The following APP variants were observed in gnomAD, a reference collection of about 807,000 sequenced individuals.
The protein encoded by APP is amyloid beta precursor protein.
A neutral mutation model predicts 101.4 loss-of-function variants in APP; 31 were observed. The observed-to-expected ratio is 0.31, with a 90% CI of 0.23 to 0.41. APP has a LOEUF of 0.41. Ranked by LOEUF, APP falls within the 10% of genes least tolerant of loss-of-function variation. The pLI is 1.00. For missense variants in APP, 839 were observed against 1,003.7 expected (o/e 0.84, Z 2.22); for synonymous variants, 366 against 364.4 (o/e 1.00, Z -0.05).
At chr21:26,151,799 T>G (rs1219113380) in intron 1 of APP, among the ~76,000 whole-genome samples, 1 of 152,212 alleles carries the variant, frequency 6.6e-6, no homozygotes, top group Non-Finnish European at 1.5e-5. Flanking sequence ...CACCTACTGC[T>G]GTGCAGCAAA....
At chr21:25,905,630 A>G (rs1231159783) in intron 14 of APP, among the ~76,000 whole-genome samples, 1 of 152,234 alleles carries the variant, frequency 6.6e-6, no homozygotes, top group Non-Finnish European at 1.5e-5. Flanking sequence ...AGGGCAGAAG[A>G]GGGAAACCGC....
intron 13 of APP, chr21:25,946,119 A>G (rs2040809865): frequency 3.5e-6 from 1 of 287,024 alleles, no homozygotes; most frequent in Admixed American, 5.0e-5. Flanking sequence ...AAACTACAAA[A>G]CTCTTAGAAG....
intron 5 of APP, among the ~76,000 whole-genome samples, chr21:26,044,054 TGAAA>T (rs1315731980): frequency 2.0e-5 from 3 of 152,212 alleles, no homozygotes; most frequent in Non-Finnish European, 4.4e-5. Context: ...AATATGAGCA[TGAAA>T]GAATGATATA....
At chr21:26,169,711 A>C (rs1039608903) in intron 1 of APP, among the ~76,000 whole-genome samples, 1 of 152,096 alleles carries the variant, frequency 6.6e-6, no homozygotes, top group Non-Finnish European at 1.5e-5. Flanking sequence ...GCGCACTGAG[A>C]CTAACGCGGC....
At chr21:26,074,276 T>C (rs1252835711) in intron 3 of APP, among the ~76,000 whole-genome samples, 2 of 152,138 alleles carry the variant, frequency 1.3e-5, no homozygotes, top group African/African-American at 4.8e-5. Context: ...CATCTATTAA[T>C]ACACCAAACA....
At chr21:25,900,636 T>G (rs2038395738) in intron 15 of APP, among the ~76,000 whole-genome samples, 1 of 152,044 alleles carries the variant, frequency 6.6e-6, no homozygotes, top group Non-Finnish European at 1.5e-5. Flanking sequence ...TAAGAAAACT[T>G]TCTTGAACAG....
chr21:25,909,732 CTGAATGAAGAGG>C (rs1364094971), intron 14 of APP, among the ~76,000 whole-genome samples: 1 of 152,148 alleles, frequency 6.6e-6, no homozygotes, highest in Non-Finnish European at 1.5e-5. Flanking sequence ...TCATTAGAGA[CTGAATGAAGAGG>C]ACCTTCAATG....
chr21:26,169,489 G>A, intron 1 of APP: 1 of 153,062 alleles, frequency 6.5e-6, no homozygotes, highest in Non-Finnish European at 1.5e-5. Context: ...CCCACCATCC[G>A]CCACTGCCCT....
intron 7 of APP, among the ~76,000 whole-genome samples, chr21:25,998,542 G>C (rs866383318): frequency 6.6e-6 from 1 of 152,052 alleles, no homozygotes; most frequent in Non-Finnish European, 1.5e-5. Context: ...CTTTACAGTG[G>C]GGGTATTAAT....
intron 1 of APP, among the ~76,000 whole-genome samples, chr21:26,152,848 T>C (rs1268675957): frequency 6.6e-6 from 1 of 152,200 alleles, no homozygotes; most frequent in East Asian, 1.9e-4. Flanking sequence ...TACACATATG[T>C]TTACAGGACC....
At chr21:26,112,216 G>T (rs912865665) in intron 1 of APP, 70 bp from the exon 2 acceptor site, 29 of 1,508,768 alleles carry the variant, frequency 1.9e-5, no homozygotes, top group Admixed American at 1.5e-4. Context: ...GAAGAACAGG[G>T]ATAACTATCA....
chr21:26,004,683 A>C (rs776576271), intron 6 of APP, among the ~76,000 whole-genome samples: 17 of 152,178 alleles, frequency 1.1e-4, no homozygotes, highest in Non-Finnish European at 2.2e-4. Context: ...TTTAAGTTCT[A>C]GGGTACATGT....
intron 7 of APP, among the ~76,000 whole-genome samples, chr21:25,998,177 G>A (rs1490519948): frequency 6.6e-6 from 1 of 152,072 alleles, no homozygotes; most frequent in Non-Finnish European, 1.5e-5. Flanking sequence ...AATCCACCCA[G>A]GGAAAGGGAG....
chr21:26,147,244 C>G (rs574669282), intron 1 of APP, among the ~76,000 whole-genome samples: 1 of 152,322 alleles, frequency 6.6e-6, no homozygotes, highest in South Asian at 2.1e-4. Context: ...AGAGAGCCTG[C>G]TTTTCTCTTT....
intron 16 of APP, 141 bp from the exon 17 acceptor site, chr21:25,892,009 C>G: frequency 1.4e-6 from 1 of 730,940 alleles, no homozygotes; most frequent in Non-Finnish European, 2.2e-6. Context: ...AGTATATTCT[C>G]TGCCCAACTG....
Position 25,911,861 on chromosome 21 carries a change from A to C in APP, c.1789T>G (p.Leu597Val), listed in dbSNP as rs773379255. 6.2e-7 allele frequency: 1 copy of C among 1,614,088 alleles called. No individual in the cohort carries two copies. Among genetic ancestry groups the C allele is most frequent in the African/African-American group, 1.3e-5 (1 of 74,920 alleles). Residue 597 changes from leucine (L) to valine (V), a missense_variant, in exon 14 of 18, where the codon TTG becomes GTG. By Grantham distance (32) the Leu-to-Val change is conservative. Coordinates refer to ENST00000346798, the MANE Select transcript of APP (RefSeq NM_000484.4). ...SYGNDALMPS[L>V]TETKTTVELL... ...TCCACGGTGGTTTTCGTTTCGGTCA[A>C]AGATGGCATGAGAGCATCGTTTCCG...
Position 25,958,928 on chromosome 21 carries a change from T to C in APP, c.1459-3173A>G, listed in dbSNP as rs115528288. Among the ~76,000 whole-genome samples, 1,085 of 152,256 alleles carry C rather than the reference T, an allele frequency of 7.1e-3. 16 individuals are homozygous for C. The highest frequency in any genetic ancestry group is 0.024 in the African/African-American group (997 of 41,544). On this transcript the variant is annotated intron_variant, in intron 11 of 17. Coordinates refer to ENST00000346798, the MANE Select transcript of APP (RefSeq NM_000484.4). Reference sequence around the variant, plus strand: ...AGTCATAGCAGCTCTCCCCACCTTATTGGTGAGGCATGAAGCACAAAGGAG... The same window carrying C: ...AGTCATAGCAGCTCTCCCCACCTTACTGGTGAGGCATGAAGCACAAAGGAG...
intron 1 of APP, chr21:26,140,047 C>T: frequency 2.1e-6 from 2 of 941,770 alleles, no homozygotes; most frequent in Non-Finnish European, 3.2e-6. Flanking sequence ...ACTTTGGTCA[C>T]AATAAGTAAC....
intron 5 of APP, among the ~76,000 whole-genome samples, chr21:26,025,321 T>G (rs1225488936): frequency 6.6e-6 from 1 of 152,228 alleles, no homozygotes; most frequent in African/African-American, 2.4e-5. Context: ...TCTTACTTAT[T>G]CAATCAAATC....
Sources: allele counts gnomAD v4.1 joint callset (sites outside exome capture counted in the v4.1 genomes callset), GRCh38; gene constraint gnomAD v4.1.1; transcripts MANE v1.5; gene names NCBI Gene and HGNC (gene_info 2026-07-23, HGNC 2026-07-21).